Variants in HSDL2 observed in about 807,000 individuals in gnomAD.
The protein encoded by HSDL2 is hydroxysteroid dehydrogenase-like protein 2.
A neutral mutation model predicts 46.3 loss-of-function variants in HSDL2; 27 were observed. That is an observed-to-expected ratio of 0.58 (90% confidence interval 0.43 to 0.80). The LOEUF (loss-of-function observed/expected upper bound fraction) is 0.80. Ranked by LOEUF, HSDL2 falls within the 30% of genes least tolerant of loss-of-function variation. The pLI is 0.00. For synonymous variants in HSDL2, 153 were observed against 163.6 expected (o/e 0.94, Z 0.50); for missense variants, 451 against 502.7 (o/e 0.90, Z 0.98).
chr9:112,454,174 A>G lies in HSDL2; in HGVS notation c.1015+12A>G. 5.6e-6 allele frequency: 9 copies of G among 1,595,826 alleles called. No homozygotes were observed. Among genetic ancestry groups the G allele is most frequent in the Non-Finnish European group, 7.7e-6 (9 of 1,174,020 alleles). ...GTTTGAACTCTCCGGTAAGGACTGC[A>G]TCTGGTAATCTGAAGTTTTTATGAA... On this transcript the variant is annotated intron_variant, in intron 9 of 10. Coordinates refer to ENST00000398805, the MANE Select transcript of HSDL2 (RefSeq NM_032303.5).
intron 6 of HSDL2, among the ~76,000 whole-genome samples, chr9:112,421,050 C>G (rs1832111146): frequency 6.6e-6 from 1 of 152,054 alleles, no homozygotes; most frequent in Non-Finnish European, 1.5e-5. Context: ...ATGTAACAGG[C>G]CAGTTGCAGT....
intron 6 of HSDL2, among the ~76,000 whole-genome samples, chr9:112,419,972 T>C (rs1045765139): frequency 3.3e-5 from 5 of 152,230 alleles, no homozygotes; most frequent in African/African-American, 1.2e-4. Flanking sequence ...AAAGAGACGA[T>C]AACATTTCAC....
chr9:112,438,179 G>A (rs1158388676), intron 6 of HSDL2, among the ~76,000 whole-genome samples: 4 of 152,148 alleles, frequency 2.6e-5, no homozygotes, highest in Admixed American at 2.6e-4. Flanking sequence ...CAGAGGTTGC[G>A]GTGAGCGGAG....
intron 10 of HSDL2, among the ~76,000 whole-genome samples, chr9:112,464,726 C>A (rs948000347): frequency 6.6e-6 from 1 of 152,160 alleles, no homozygotes; most frequent in African/African-American, 2.4e-5. Flanking sequence ...CCATACAGTT[C>A]ACCCACTTAA....
chr9:112,424,791 T>G (rs1394030021), intron 6 of HSDL2, among the ~76,000 whole-genome samples: 1 of 151,324 alleles, frequency 6.6e-6, no homozygotes, highest in Non-Finnish European at 1.5e-5. Context: ...ATTAAATATA[T>G]TACTAGATAT....
At chr9:112,394,166 T>C (rs1831408357) in intron 1 of HSDL2, among the ~76,000 whole-genome samples, 1 of 152,094 alleles carries the variant, frequency 6.6e-6, no homozygotes, top group South Asian at 2.1e-4. Flanking sequence ...GAATCACAGA[T>C]GTGAGGGGTG....
chr9:112,423,776 C>T (rs985629013), intron 6 of HSDL2, among the ~76,000 whole-genome samples: 1 of 151,966 alleles, frequency 6.6e-6, no homozygotes, highest in African/African-American at 2.4e-5. Flanking sequence ...AGTGCAGTGG[C>T]ACAATTAGCT....
intron 6 of HSDL2, among the ~76,000 whole-genome samples, chr9:112,425,553 A>G (rs928999292): frequency 1.3e-5 from 2 of 152,102 alleles, no homozygotes; most frequent in African/African-American, 4.8e-5. Flanking sequence ...GATTTCCATA[A>G]TCTGTTAATT....
At chr9:112,414,760 C>T (rs1831954934) in intron 4 of HSDL2, among the ~76,000 whole-genome samples, 2 of 152,186 alleles carry the variant, frequency 1.3e-5, no homozygotes, top group Admixed American at 6.5e-5. Context: ...CCCCACCTCA[C>T]CTCACCTCCA....
chr9:112,446,528 G>A (rs1407502983), intron 8 of HSDL2, among the ~76,000 whole-genome samples: 1 of 152,200 alleles, frequency 6.6e-6, no homozygotes, highest in Non-Finnish European at 1.5e-5. Flanking sequence ...GTACTTGGGA[G>A]GCTGAGGCGG....
intron 1 of HSDL2, among the ~76,000 whole-genome samples, chr9:112,392,710 A>G (rs901040404): frequency 9.9e-5 from 15 of 152,102 alleles, no homozygotes; most frequent in Non-Finnish European, 1.8e-4. Context: ...AATTGCTGTT[A>G]TTCTATTCTT....
intron 1 of HSDL2, among the ~76,000 whole-genome samples, chr9:112,390,549 G>C (rs1442354291): frequency 6.6e-6 from 1 of 152,010 alleles, no homozygotes; most frequent in African/African-American, 2.4e-5. Flanking sequence ...GACCTCCTGG[G>C]CTCAAGCAAT....
chr9:112,468,496 G>T (rs1057312303), intron 10 of HSDL2, among the ~76,000 whole-genome samples: 12 of 151,894 alleles, frequency 7.9e-5, no homozygotes, highest in Non-Finnish European at 1.8e-4. Context: ...AGCTCATCTT[G>T]TTTTCTGATG....
At chr9:112,388,003 A>T (rs183699997) in intron 1 of HSDL2, among the ~76,000 whole-genome samples, 57 of 152,118 alleles carry the variant, frequency 3.7e-4, no homozygotes, top group Non-Finnish European at 5.4e-4. Context: ...CACAAAAAAT[A>T]AAAAAATTAG....
chr9:112,455,637 A>G (rs1159360092), intron 9 of HSDL2, among the ~76,000 whole-genome samples: 8 of 152,232 alleles, frequency 5.3e-5, no homozygotes, highest in African/African-American at 1.9e-4. Context: ...GGTTTAAGCA[A>G]CACTTCAGAA....
chr9:112,388,501 A>G (rs549109063), intron 1 of HSDL2, among the ~76,000 whole-genome samples: 3 of 150,618 alleles, frequency 2.0e-5, no homozygotes, highest in Admixed American at 6.6e-5. Flanking sequence ...GTGGTGGCTT[A>G]CACCTGTAAT....
rs966400839 is a variant in HSDL2 at position 112,448,710 on chromosome 9, A to G, written c.866-5303A>G. The stretch of plus-strand genomic sequence containing the variant: ...AGGATTACAGGCTTGCCACCCAGCT[A>G]ATTTTTTTTTTTATTTTTTTATTTT... On this transcript the variant is annotated intron_variant, in intron 8 of 10. Transcript: ENST00000398805. 4.5e-3 allele frequency among the ~76,000 whole-genome samples: 59 copies of G among 13,094 alleles called. 1 individual carries two copies. Among genetic ancestry groups the G allele is most frequent in the African/African-American group, 0.031 (52 of 1,656 alleles). The allele number at this position is 13,094 out of a possible 152,430, so 8.6% of individuals were successfully genotyped here.
chr9:112,383,427 A>G (rs1831144715), intron 1 of HSDL2, among the ~76,000 whole-genome samples: 1 of 151,344 alleles, frequency 6.6e-6, no homozygotes. Flanking sequence ...ATATTTTTGT[A>G]TTTTTCAAAT....
At chr9:112,401,872 A>G (rs1831608037) in intron 1 of HSDL2, among the ~76,000 whole-genome samples, 2 of 152,166 alleles carry the variant, frequency 1.3e-5, no homozygotes, top group Non-Finnish European at 2.9e-5. Flanking sequence ...TATGTGTGCT[A>G]TATTTCATGA....
Sources: allele counts gnomAD v4.1 joint callset (sites outside exome capture counted in the v4.1 genomes callset), GRCh38; gene constraint gnomAD v4.1.1; transcripts MANE v1.5; gene names NCBI Gene and HGNC (gene_info 2026-07-23, HGNC 2026-07-21).